PIGN: variants seen among roughly 807,000 people sequenced by gnomAD.
PIGN encodes the protein GPI ethanolamine phosphate transferase 1.
PIGN carries 117 observed loss-of-function variants against 125.4 expected under a neutral mutation model. The observed-to-expected ratio is 0.93, with a 90% CI of 0.80 to 1.09. The LOEUF (loss-of-function observed/expected upper bound fraction) is 1.09, where lower values mean the gene tolerates loss of function less well. PIGN is among the 50% of genes least tolerant of loss of function. The pLI is 0.00. For synonymous variants in PIGN, 392 were observed against 377.8 expected (o/e 1.04, Z -0.44); for missense variants, 1,075 against 1,094.9 (o/e 0.98, Z 0.26).
intron 30 of PIGN, among the ~76,000 whole-genome samples, chr18:62,067,211 G>C (rs2032572665): frequency 6.6e-6 from 1 of 152,028 alleles, no homozygotes; most frequent in South Asian, 2.1e-4. Flanking sequence ...TTATGTTGTT[G>C]TTTATGCATG....
intron 23 of PIGN, among the ~76,000 whole-genome samples, chr18:62,095,468 A>T (rs552600930): frequency 6.6e-6 from 1 of 152,282 alleles, no homozygotes; most frequent in South Asian, 2.1e-4. Context: ...TTAAAAAAAT[A>T]CTATATTCAA....
chr18:62,185,832 C>G (rs1179619341), intron 1 of PIGN, among the ~76,000 whole-genome samples: 1 of 152,116 alleles, frequency 6.6e-6, no homozygotes, highest in Non-Finnish European at 1.5e-5. Flanking sequence ...ATCTTCTAAA[C>G]TTAGGATATG....
At chr18:62,096,594 A>G (rs2034210513) in intron 22 of PIGN, among the ~76,000 whole-genome samples, 1 of 112,156 alleles carries the variant, frequency 8.9e-6, no homozygotes, top group African/African-American at 3.9e-5. Context: ...GGTTAGTTAC[A>G]TATGTATACA....
At chr18:62,039,741 GC>G (rs1373858711), downstream of PIGN, among the ~76,000 whole-genome samples, 153 of 83,356 alleles carry the variant, frequency 1.8e-3, no homozygotes, top group Non-Finnish European at 3.3e-3. Context: ...CATGTTTAGG[GC>G]CCCATCCAGG....
At chr18:62,175,161 C>T (rs1369948535) in intron 1 of PIGN, among the ~76,000 whole-genome samples, 9 of 149,932 alleles carry the variant, frequency 6.0e-5, no homozygotes, top group Non-Finnish European at 1.3e-4. Flanking sequence ...CAAAGGAACT[C>T]GTGTTTTCAC....
intron 7 of PIGN, among the ~76,000 whole-genome samples, chr18:62,152,722 C>T (rs1028530769): frequency 7.9e-5 from 12 of 151,998 alleles, no homozygotes; most frequent in East Asian, 1.9e-4. Context: ...ACTCAATGTC[C>T]GGTTTATACT....
chr18:62,052,427 T>C (rs1005125794), intron 30 of PIGN: 2 of 151,112 alleles, frequency 1.3e-5, no homozygotes, highest in Non-Finnish European at 3.0e-5. Flanking sequence ...TAGCTCTTCT[T>C]GTTGAATTGA....
chr18:62,169,858 A>G (rs2037290414), intron 1 of PIGN, among the ~76,000 whole-genome samples: 1 of 152,164 alleles, frequency 6.6e-6, no homozygotes, highest in Admixed American at 6.5e-5. Flanking sequence ...CCTGGGTTCA[A>G]GTGATTCTCC....
chr18:62,096,385 C>T (rs1399027661), intron 22 of PIGN, among the ~76,000 whole-genome samples: 3 of 151,906 alleles, frequency 2.0e-5, no homozygotes, highest in African/African-American at 4.8e-5. Context: ...GGCTACATTT[C>T]CCCTAATCAC....
chr18:62,045,849 A>G lies in PIGN; in HGVS notation c.*7T>C. 6.2e-7 allele frequency: 1 copy of G among 1,613,494 alleles called. No individual in the cohort carries two copies. The highest frequency in any genetic ancestry group is 8.5e-7 in the Non-Finnish European group (1 of 1,179,618). On this transcript the variant is annotated 3_prime_UTR_variant, in exon 31 of 31. Coordinates refer to ENST00000640252, the MANE Select transcript of PIGN (RefSeq NM_176787.5). ...GGATCCAGATGCTGAATGGTGCTTCAGCAACCTCACATGAAGTGACTTTTG... is the reference window on the plus strand; with the variant it reads ...GGATCCAGATGCTGAATGGTGCTTCGGCAACCTCACATGAAGTGACTTTTG...
intron 30 of PIGN, among the ~76,000 whole-genome samples, chr18:62,064,704 G>A (rs909791498): frequency 2.6e-5 from 4 of 152,094 alleles, no homozygotes; most frequent in African/African-American, 9.7e-5. Context: ...TTCTACTCTA[G>A]TAATATCATT....
At chr18:62,067,724 G>A (rs889565075) in intron 30 of PIGN, among the ~76,000 whole-genome samples, 3 of 152,170 alleles carry the variant, frequency 2.0e-5, no homozygotes, top group African/African-American at 7.2e-5. Flanking sequence ...CCATTCATGT[G>A]CTGATGAACA....
In PIGN at chr18:62,147,121, G is replaced by T; in HGVS notation, c.675-20C>A. 6.4e-7 allele frequency: 1 copy of T among 1,567,514 alleles called. No individual in the cohort carries two copies. Among genetic ancestry groups the T allele is most frequent in the Non-Finnish European group, 8.7e-7 (1 of 1,155,464 alleles). On this transcript the variant is annotated intron_variant, in intron 8 of 30. Coordinates refer to ENST00000640252, the MANE Select transcript of PIGN (RefSeq NM_176787.5). ...TAGTCTCTATTTGTAAAGAAACAGA[G>T]GAACAAATTAAATTAATTTGGAGAA...
Position 62,102,645 on chromosome 18 carries a change from G to A in PIGN, c.1968+149C>T, listed in dbSNP as rs1599524581. 15 of 490,684 alleles carry A rather than the reference G, an allele frequency of 3.1e-5. No homozygotes were observed. In the East Asian group the frequency reaches 5.2e-4, roughly 17 times the overall value. 30.4% of individuals were successfully genotyped at this position (490,684 alleles called of 1,614,324 possible). A position where few individuals can be genotyped will look rare whatever the true frequency, so the allele number is the denominator to read the frequency against. On this transcript the variant is annotated intron_variant, in intron 21 of 30. Coordinates refer to ENST00000640252, the MANE Select transcript of PIGN (RefSeq NM_176787.5). Reference sequence around the variant, plus strand: ...TACCTCTTAAAGAACACATTTCCATGTAGCATCTTAAATGAAAGCTTTCTT... The same window carrying A: ...TACCTCTTAAAGAACACATTTCCATATAGCATCTTAAATGAAAGCTTTCTT...
chr18:62,031,250 G>A (rs193126510), intron 23 of PIGN, among the ~76,000 whole-genome samples: 156 of 152,154 alleles, frequency 1.0e-3, no homozygotes, highest in African/African-American at 2.5e-3. Context: ...CTCCTCATTC[G>A]CCTTCCACCA....
chr18:62,125,716 G>A (rs2035510469), intron 14 of PIGN, among the ~76,000 whole-genome samples: 1 of 152,000 alleles, frequency 6.6e-6, no homozygotes, highest in Non-Finnish European at 1.5e-5. Flanking sequence ...AAAAAAGTAT[G>A]TCTAACTTGA....
At chr18:62,083,657 A>C (rs1372870037) in intron 27 of PIGN, among the ~76,000 whole-genome samples, 1 of 152,086 alleles carries the variant, frequency 6.6e-6, no homozygotes, top group Non-Finnish European at 1.5e-5. Context: ...CTTGTTTTTA[A>C]TTAAAGGCCA....
intron 28 of PIGN, chr18:62,075,563 T>C (rs1368511781): frequency 1.3e-5 from 2 of 152,242 alleles, no homozygotes; most frequent in Admixed American, 6.5e-5. Flanking sequence ...CATATGGATA[T>C]ACAATGGTTT....
At chr18:62,159,848 C>T (rs994094096) in intron 4 of PIGN, among the ~76,000 whole-genome samples, 1 of 152,212 alleles carries the variant, frequency 6.6e-6, no homozygotes, top group Non-Finnish European at 1.5e-5. Context: ...GGCACGGTGG[C>T]TCACGCCTGT....
Sources: gnomAD v4.1 joint callset for allele counts (sites outside exome capture counted in the v4.1 genomes callset) on GRCh38, gnomAD v4.1.1 for gene constraint, MANE v1.5 for transcripts, NCBI Gene and HGNC (gene_info 2026-07-23, HGNC 2026-07-21) for gene names.